The following MEIS1 variants were observed in gnomAD, a reference collection of about 807,000 sequenced individuals.
The protein encoded by MEIS1 is homeobox protein Meis1.
In MEIS1, 5 loss-of-function variants were observed where a neutral mutation model predicts 50.8. That is an observed-to-expected ratio of 0.10 (90% confidence interval 0.05 to 0.21). MEIS1 has a LOEUF of 0.21. Among genes scored for constraint, MEIS1 ranks in the 10% least tolerant of loss-of-function variants. The probability of loss-of-function intolerance (pLI) is 1.00; values close to 1 mark genes in which losing one functional copy is unlikely to be tolerated. For synonymous variants in MEIS1, 176 were observed against 179.3 expected (o/e 0.98, Z 0.15); for missense variants, 318 against 517.3 (o/e 0.61, Z 3.74).
chr2:66,458,648 G>A (rs1334083862), intron 6 of MEIS1, among the ~76,000 whole-genome samples: 1 of 152,160 alleles, frequency 6.6e-6, no homozygotes, highest in Non-Finnish European at 1.5e-5. Flanking sequence ...AAGAGGTTAT[G>A]ACTTACTTAA....
chr2:66,502,051 A>G (rs1673569571), intron 7 of MEIS1, among the ~76,000 whole-genome samples: 1 of 152,226 alleles, frequency 6.6e-6, no homozygotes. Context: ...ATTTATTTCA[A>G]CAGGGTGGAA....
At chr2:66,442,823 G>A (rs1252120717) in intron 5 of MEIS1, 79 bp from the exon 6 acceptor site, 15 of 1,353,630 alleles carry the variant, frequency 1.1e-5, no homozygotes, top group Non-Finnish European at 1.5e-5. Context: ...GATCTCACAA[G>A]GGGGGTGGAT....
chr2:66,437,032 T>C, intron 1 of MEIS1: 3 of 855,666 alleles, frequency 3.5e-6, no homozygotes, highest in African/African-American at 1.8e-5. Context: ...GCTTCAACTA[T>C]AGATTTTCTT....
intron 8 of MEIS1, among the ~76,000 whole-genome samples, chr2:66,537,231 G>C (rs2103907553): frequency 6.6e-6 from 1 of 152,316 alleles, no homozygotes; most frequent in African/African-American, 2.4e-5. Context: ...GTAATTACAA[G>C]CTTAAAGAGG....
In MEIS1 at chr2:66,571,770, C is replaced by T; in HGVS notation, c.*562C>T. 2.0e-6 allele frequency: 1 copy of T among 502,286 alleles called. No individual in the cohort carries two copies. Among genetic ancestry groups the T allele is most frequent in the Non-Finnish European group, 3.5e-6 (1 of 287,830 alleles). The allele number at this position is 502,286 out of a possible 1,614,324, so 31.1% of individuals were successfully genotyped here. A position where few individuals can be genotyped will look rare whatever the true frequency, so the allele number is the denominator to read the frequency against. Reference sequence around the variant, plus strand: ...ATTGTAAATGCTATTATACTGTTATCCATATTACGTTGTTTCTTATAGATT... The same window carrying T: ...ATTGTAAATGCTATTATACTGTTATTCATATTACGTTGTTTCTTATAGATT... On this transcript the variant is annotated 3_prime_UTR_variant, in exon 13 of 13. Coordinates refer to ENST00000272369, the MANE Select transcript of MEIS1 (RefSeq NM_002398.3).
At chr2:66,480,865 A>G (rs1672999059) in intron 7 of MEIS1, among the ~76,000 whole-genome samples, 1 of 152,204 alleles carries the variant, frequency 6.6e-6, no homozygotes, top group African/African-American at 2.4e-5. Context: ...AATGGTGGAA[A>G]TCTTTGCAAT....
intron 8 of MEIS1, among the ~76,000 whole-genome samples, chr2:66,520,625 T>C (rs1053942717): frequency 2.6e-5 from 4 of 152,228 alleles, no homozygotes; most frequent in Non-Finnish European, 5.9e-5. Flanking sequence ...ATTAATTGCT[T>C]GGCTATTTTG....
intron 3 of MEIS1, chr2:66,440,300 T>G (rs1361943884): frequency 8.4e-6 from 5 of 595,148 alleles, no homozygotes; most frequent in African/African-American, 3.7e-5. Flanking sequence ...TGCTGTGGAC[T>G]CGGCGGTCTG....
At chr2:66,448,063 A>C (rs944877221) in intron 6 of MEIS1, among the ~76,000 whole-genome samples, 2 of 152,156 alleles carry the variant, frequency 1.3e-5, no homozygotes, top group African/African-American at 4.8e-5. Flanking sequence ...TAGTTGTTTT[A>C]TATAGCTATT....
intron 8 of MEIS1, among the ~76,000 whole-genome samples, chr2:66,536,384 A>G (rs1200569867): frequency 1.3e-5 from 2 of 152,236 alleles, no homozygotes; most frequent in Non-Finnish European, 2.9e-5. Context: ...GGAAACTGTT[A>G]GCTAAAAAAG....
intron 6 of MEIS1, among the ~76,000 whole-genome samples, chr2:66,448,765 G>A (rs1188796304): frequency 6.6e-6 from 1 of 152,106 alleles, no homozygotes; most frequent in African/African-American, 2.4e-5. Flanking sequence ...CAGCCAAATT[G>A]CTATAGGGAC....
At chr2:66,506,028 TAC>T (rs1673677920) in intron 7 of MEIS1, among the ~76,000 whole-genome samples, 1 of 152,246 alleles carries the variant, frequency 6.6e-6, no homozygotes, top group Admixed American at 6.5e-5. Context: ...GCGAAAAAGA[TAC>T]ATTCATTTAT....
chr2:66,549,845 A>C (rs980700734), intron 9 of MEIS1, among the ~76,000 whole-genome samples: 3 of 152,152 alleles, frequency 2.0e-5, no homozygotes, highest in Non-Finnish European at 4.4e-5. Context: ...AAATCCCAAT[A>C]CAAGTTGCTT....
intron 4 of MEIS1, chr2:66,441,111 T>C (rs1671969516): frequency 4.9e-6 from 2 of 411,102 alleles, no homozygotes; most frequent in African/African-American, 2.1e-5. Flanking sequence ...TAGTCCAGTG[T>C]TGTGGCCCTT....
At chr2:66,541,471 C>A (rs900388210) in intron 8 of MEIS1, among the ~76,000 whole-genome samples, 2 of 152,184 alleles carry the variant, frequency 1.3e-5, no homozygotes, top group African/African-American at 4.8e-5. Context: ...TCCTTCCACA[C>A]CTATGTCATT....
intron 7 of MEIS1, among the ~76,000 whole-genome samples, chr2:66,493,823 T>C (rs1673331504): frequency 6.6e-6 from 1 of 152,190 alleles, no homozygotes; most frequent in Non-Finnish European, 1.5e-5. Flanking sequence ...ATGTTATTCA[T>C]TACATGTAAA....
chr2:66,570,199 G>A (rs1383582855), intron 12 of MEIS1: 1 of 152,096 alleles, frequency 6.6e-6, no homozygotes, highest in Admixed American at 6.5e-5. Flanking sequence ...AATTAGCTCT[G>A]AAAACATTCC....
At chr2:66,532,272 T>G (rs1054110536) in intron 8 of MEIS1, among the ~76,000 whole-genome samples, 1 of 152,232 alleles carries the variant, frequency 6.6e-6, no homozygotes, top group Non-Finnish European at 1.5e-5. Context: ...AAGAGGTCTA[T>G]GCAATTATTT....
At chr2:66,477,796 T>C (rs1418091136) in intron 7 of MEIS1, among the ~76,000 whole-genome samples, 1 of 152,200 alleles carries the variant, frequency 6.6e-6, no homozygotes, top group Non-Finnish European at 1.5e-5. Flanking sequence ...TGGATTCTAA[T>C]CCTGGTGTGC....
Sources: allele counts gnomAD v4.1 joint callset (sites outside exome capture counted in the v4.1 genomes callset), GRCh38; gene constraint gnomAD v4.1.1; transcripts MANE v1.5; gene names NCBI Gene and HGNC (gene_info 2026-07-23, HGNC 2026-07-21).